HS3ST5: variants seen among roughly 807,000 people sequenced by gnomAD.
The protein encoded by HS3ST5 is heparan sulfate-glucosamine 3-sulfotransferase 5.
Under a neutral mutation model 25.4 loss-of-function variants are expected in HS3ST5, and 10 were observed. The ratio of observed to expected loss-of-function variants is 0.39; its 90% confidence interval spans 0.24 to 0.67. The LOEUF (loss-of-function observed/expected upper bound fraction) is 0.67. Ranked by LOEUF, HS3ST5 falls within the 30% of genes least tolerant of loss-of-function variation. HS3ST5 has a pLI of 0.44. For synonymous variants in HS3ST5, 170 were observed against 162.4 expected (o/e 1.05, Z -0.36); for missense variants, 324 against 420.7 (o/e 0.77, Z 2.01).
chr6:114,322,153 A>T (rs1268948354), intron 1 of HS3ST5, among the ~76,000 whole-genome samples: 2 of 152,138 alleles, frequency 1.3e-5, no homozygotes, highest in Non-Finnish European at 2.9e-5. Context: ...AAGTCAGAGA[A>T]GAAAAATTCT....
intron 3 of HS3ST5, among the ~76,000 whole-genome samples, chr6:114,078,565 CATTTT>C (rs2114755341): frequency 6.6e-6 from 1 of 152,250 alleles, no homozygotes; most frequent in South Asian, 2.1e-4. Context: ...CAAGTTTAAA[CATTTT>C]ATTGGACTTT....
rs1776947780 is a variant in HS3ST5, at chr6:114,342,843, C to G, written c.-987G>C. 6.5e-6 allele frequency: 1 copy of G among 152,792 alleles called. No homozygotes were observed. Among genetic ancestry groups the G allele is most frequent in the Non-Finnish European group, 1.5e-5 (1 of 68,570 alleles). 9.5% of individuals were successfully genotyped at this position (152,792 alleles called of 1,614,324 possible). A position where few individuals can be genotyped will look rare whatever the true frequency, so the allele number is the denominator to read the frequency against. On this transcript the variant is annotated 5_prime_UTR_variant, in exon 1 of 5. Transcript: ENST00000312719. ...CCTCCGGTGCCAAGCTGTGCGGGCG[C>G]CCCGCTCCCCGCGGCTGGCGCTGTC... is the stretch of plus-strand genomic sequence containing the variant.
chr6:114,327,233 T>C (rs1046674692), intron 1 of HS3ST5, among the ~76,000 whole-genome samples: 2 of 152,192 alleles, frequency 1.3e-5, no homozygotes, highest in African/African-American at 4.8e-5. Flanking sequence ...TAGATAGTGA[T>C]AAGTATTAAA....
At chr6:114,171,365 T>C (rs919787514) in intron 2 of HS3ST5, among the ~76,000 whole-genome samples, 3 of 152,166 alleles carry the variant, frequency 2.0e-5, no homozygotes, top group Admixed American at 6.6e-5. Context: ...TAGTGGGTAG[T>C]GATGTACAAC....
rs527485498 is a variant in HS3ST5, at chr6:114,203,025, G to A, written c.-145+25560C>T. ...TCTTGTTTTGTAATCAGAACTGGTG[G>A]TTAGTTAACTGCGAAAGTGGCTAAA... is the stretch of plus-strand genomic sequence containing the variant. On this transcript the variant is annotated intron_variant, in intron 2 of 4. Transcript: ENST00000312719. Among the ~76,000 whole-genome samples the A allele has an allele frequency of 7.8e-4, 119 of 152,328 alleles. 2 individuals carry two copies. In the South Asian group the frequency reaches 0.024, roughly 30 times the overall value.
At chr6:114,260,418 TAA>T (rs1562256068) in intron 1 of HS3ST5, among the ~76,000 whole-genome samples, 1 of 152,116 alleles carries the variant, frequency 6.6e-6, no homozygotes, top group Non-Finnish European at 1.5e-5. Flanking sequence ...AAAATAATTA[TAA>T]GACTTCGTAA....
chr6:114,226,357 C>T (rs1255487007), intron 2 of HS3ST5, among the ~76,000 whole-genome samples: 1 of 151,932 alleles, frequency 6.6e-6, no homozygotes, highest in Non-Finnish European at 1.5e-5. Context: ...TAATTGGACA[C>T]AAATTATTTT....
chr6:114,105,005 G>A (rs1413692084), intron 3 of HS3ST5, among the ~76,000 whole-genome samples: 1 of 151,984 alleles, frequency 6.6e-6, no homozygotes, highest in Non-Finnish European at 1.5e-5. Flanking sequence ...ATGACCTGGT[G>A]ATTTTTTTTT....
chr6:114,177,067 C>A (rs998178401), intron 2 of HS3ST5, among the ~76,000 whole-genome samples: 3 of 152,216 alleles, frequency 2.0e-5, no homozygotes, highest in Admixed American at 2.0e-4. Flanking sequence ...TATCCCATTT[C>A]CCTCTCCTGT....
At chr6:114,174,760 CG>C (rs1204413638) in intron 2 of HS3ST5, among the ~76,000 whole-genome samples, 2 of 151,946 alleles carry the variant, frequency 1.3e-5, no homozygotes, top group Non-Finnish European at 2.9e-5. Context: ...TTTGGGAGGC[CG>C]AGGCAGGCAG....
chr6:114,308,509 C>G (rs907464691), intron 1 of HS3ST5, among the ~76,000 whole-genome samples: 1 of 152,086 alleles, frequency 6.6e-6, no homozygotes, highest in Non-Finnish European at 1.5e-5. Context: ...ATGGCATGAA[C>G]CCAGGAGGCG....
intron 3 of HS3ST5, among the ~76,000 whole-genome samples, chr6:114,083,031 A>G (rs1307598483): frequency 6.6e-6 from 1 of 152,220 alleles, no homozygotes; most frequent in African/African-American, 2.4e-5. Context: ...TGCCTTGCTG[A>G]GAATTAAAAA....
At chr6:114,264,733 C>T (rs1050263990) in intron 1 of HS3ST5, among the ~76,000 whole-genome samples, 5 of 152,000 alleles carry the variant, frequency 3.3e-5, no homozygotes, top group African/African-American at 1.2e-4. Flanking sequence ...CTATGGGATG[C>T]CTTGAAAGTC....
At chr6:114,187,049 T>C (rs2114270204) in intron 2 of HS3ST5, among the ~76,000 whole-genome samples, 1 of 152,304 alleles carries the variant, frequency 6.6e-6, no homozygotes, top group Admixed American at 6.5e-5. Context: ...AAAAGATTCC[T>C]TCCAAAAGAT....
intron 2 of HS3ST5, among the ~76,000 whole-genome samples, chr6:114,219,696 G>T (rs559857195): frequency 9.9e-5 from 15 of 152,130 alleles, no homozygotes; most frequent in Admixed American, 3.3e-4. Flanking sequence ...TGCCTAATGC[G>T]AGAATGCTAA....
chr6:114,193,354 G>C (rs1780593082), intron 2 of HS3ST5, among the ~76,000 whole-genome samples: 1 of 152,200 alleles, frequency 6.6e-6, no homozygotes, highest in South Asian at 2.1e-4. Context: ...ACCATATTTT[G>C]AAGGATATGT....
chr6:114,120,668 A>C (rs1472253044), intron 3 of HS3ST5, among the ~76,000 whole-genome samples: 1 of 148,354 alleles, frequency 6.7e-6, no homozygotes, highest in African/African-American at 2.5e-5. Flanking sequence ...AGTAAGTCAC[A>C]TGGAAGATAT....
intron 3 of HS3ST5, among the ~76,000 whole-genome samples, chr6:114,100,044 C>T (rs1441017945): frequency 2.0e-5 from 3 of 152,100 alleles, no homozygotes; most frequent in Admixed American, 1.3e-4. Context: ...TATGTTTTAC[C>T]TTTTATCCTA....
At chr6:114,189,074 G>T in intron 2 of HS3ST5, among the ~76,000 whole-genome samples, 1 of 151,604 alleles carries the variant, frequency 6.6e-6, no homozygotes, top group African/African-American at 2.4e-5. Flanking sequence ...ATCCTGTAAG[G>T]GCTTCTTGAG....
Sources: gnomAD v4.1 joint callset for allele counts (sites outside exome capture counted in the v4.1 genomes callset) on GRCh38, gnomAD v4.1.1 for gene constraint, MANE v1.5 for transcripts, NCBI Gene and HGNC (gene_info 2026-07-23, HGNC 2026-07-21) for gene names.